CATSPERT: variants seen among roughly 807,000 people sequenced by gnomAD.
The protein encoded by CATSPERT is catsper channel auxiliary subunit tau.
At chr2:201,617,782 T>C in the CATSPERT span, among the ~76,000 whole-genome samples, 2 of 152,120 alleles carry the variant, frequency 1.3e-5, no homozygotes, top group South Asian at 2.1e-4. Flanking sequence ...GCCTACAGAA[T>C]GGGAGAAAAT....
chr2:201,604,562 T>C, the CATSPERT span: 1 of 1,245,682 alleles, frequency 8.0e-7, no homozygotes, highest in Non-Finnish European at 1.1e-6. Flanking sequence ...TGTTTGATTA[T>C]CAAATAATAA....
chr2:201,489,156 A>G, the CATSPERT span, among the ~76,000 whole-genome samples: 2 of 152,222 alleles, frequency 1.3e-5, no homozygotes, highest in African/African-American at 4.8e-5. Context: ...CCACACAATT[A>G]TCTATTAGAG....
chr2:201,492,236 G>T, the CATSPERT span: 7 of 1,519,238 alleles, frequency 4.6e-6, no homozygotes, highest in Non-Finnish European at 6.1e-6. Flanking sequence ...TCTCTAAAAG[G>T]TAAATGTGTT....
chr2:201,599,578 C>T, the CATSPERT span, among the ~76,000 whole-genome samples: 1 of 152,088 alleles, frequency 6.6e-6, no homozygotes, highest in African/African-American at 2.4e-5. Context: ...TTTCCTGTAT[C>T]ATTTTTAATT....
At chr2:201,563,874 C>T in the CATSPERT span, among the ~76,000 whole-genome samples, 3 of 152,142 alleles carry the variant, frequency 2.0e-5, no homozygotes, top group Non-Finnish European at 4.4e-5. Context: ...ACCCAAGATT[C>T]CAGACAGAAA....
chr2:201,537,436 C>T, the CATSPERT span: 7 of 1,587,148 alleles, frequency 4.4e-6, no homozygotes, highest in Non-Finnish European at 4.3e-6. Flanking sequence ...TTTCCCTTAC[C>T]TCATTTGCAG....
chr2:201,591,725 G>T, the CATSPERT span, among the ~76,000 whole-genome samples: 2 of 151,896 alleles, frequency 1.3e-5, no homozygotes, highest in South Asian at 2.1e-4. Flanking sequence ...GGATTCCTAG[G>T]TATTTTATTC....
At chr2:201,600,923 T>C in the CATSPERT span, among the ~76,000 whole-genome samples, 1 of 152,100 alleles carries the variant, frequency 6.6e-6, no homozygotes, top group Non-Finnish European at 1.5e-5. Flanking sequence ...GGCTAATTTT[T>C]GTATTTTTAG....
chr2:201,560,117 C>T, the CATSPERT span, among the ~76,000 whole-genome samples: 5 of 152,098 alleles, frequency 3.3e-5, no homozygotes, highest in Middle Eastern at 3.2e-3. Flanking sequence ...CTGAAGAATT[C>T]AATGACTGAA....
the CATSPERT span, among the ~76,000 whole-genome samples, chr2:201,506,278 A>G: frequency 6.6e-6 from 1 of 152,014 alleles, no homozygotes; most frequent in Non-Finnish European, 1.5e-5. Flanking sequence ...AAAACAAACA[A>G]ACAAACAAAC....
the CATSPERT span, among the ~76,000 whole-genome samples, chr2:201,569,396 A>G: frequency 2.0e-5 from 3 of 152,306 alleles, no homozygotes; most frequent in East Asian, 3.9e-4. Context: ...CAGACAGCCA[A>G]CACCACAGGT....
At chr2:201,536,078 T>G in the CATSPERT span, 1 of 1,613,384 alleles carries the variant, frequency 6.2e-7, no homozygotes, top group Non-Finnish European at 8.5e-7. Context: ...TTAATTTTAC[T>G]TCTAATGGAA....
the CATSPERT span, chr2:201,603,144 G>T: frequency 7.5e-7 from 1 of 1,339,260 alleles, no homozygotes; most frequent in Non-Finnish European, 1.0e-6. Flanking sequence ...CTAAGTTTTG[G>T]AATGGTTTGT....
chr2:201,591,828 T>C, the CATSPERT span, among the ~76,000 whole-genome samples: 11 of 152,166 alleles, frequency 7.2e-5, no homozygotes, highest in African/African-American at 2.7e-4. Flanking sequence ...TTTTTGTACA[T>C]TGATTTTGTA....
the CATSPERT span, among the ~76,000 whole-genome samples, chr2:201,526,200 T>C: frequency 6.6e-6 from 1 of 152,052 alleles, no homozygotes; most frequent in South Asian, 2.1e-4. Flanking sequence ...CTGATGAACA[T>C]AGATGCAAAA....
At chr2:201,580,769 C>A in the CATSPERT span, among the ~76,000 whole-genome samples, 2 of 152,114 alleles carry the variant, frequency 1.3e-5, no homozygotes, top group African/African-American at 2.4e-5. Context: ...ACTCTGAGTT[C>A]AACACAACCA....
the CATSPERT span, among the ~76,000 whole-genome samples, chr2:201,526,937 A>G: frequency 1.3e-5 from 2 of 152,192 alleles, no homozygotes; most frequent in Admixed American, 6.5e-5. Context: ...AAGAAATAAA[A>G]TGCATCCAAA....
the CATSPERT span, chr2:201,487,925 C>A: frequency 3.9e-6 from 6 of 1,528,984 alleles, no homozygotes; most frequent in South Asian, 3.8e-5. Flanking sequence ...ATAAAAGATC[C>A]AATTGGTAAA....
chr2:201,567,257 C>T, the CATSPERT span, among the ~76,000 whole-genome samples: 1 of 152,198 alleles, frequency 6.6e-6, no homozygotes, highest in East Asian at 1.9e-4. Context: ...CTGTCATCTT[C>T]CATCTCCAGT....
Sources: gnomAD v4.1 joint callset for allele counts (sites outside exome capture counted in the v4.1 genomes callset) on GRCh38, gnomAD v4.1.1 for gene constraint, MANE v1.5 for transcripts, NCBI Gene and HGNC (gene_info 2026-07-23, HGNC 2026-07-21) for gene names.